Variants in ZFHX3 observed in about 807,000 individuals in gnomAD.
ZFHX3 encodes zinc finger homeobox protein 3.
In ZFHX3, 42 loss-of-function variants were observed where a neutral mutation model predicts 279.1. The observed-to-expected ratio is 0.15, with a 90% CI of 0.12 to 0.19. ZFHX3 has a LOEUF of 0.19. ZFHX3 is among the 10% of genes least tolerant of loss of function. The pLI is 1.00. For synonymous variants in ZFHX3, 2,293 were observed against 1,957.8 expected, an observed-to-expected ratio of 1.17 and a Z score of -4.52; for missense variants, 4,981 against 4,754.0, an observed-to-expected ratio of 1.05 and a Z score of -1.40.
At chr16:73,127,218 G>T in intron 7 of ZFHX3, 1 of 659,092 alleles carries the variant, frequency 1.5e-6, no homozygotes. Flanking sequence ...TCGTGCGTGA[G>T]CTGTTACACA....
chr16:72,828,256 T>G (rs1003647533), intron 5 of ZFHX3, among the ~76,000 whole-genome samples: 2 of 152,222 alleles, frequency 1.3e-5, no homozygotes, highest in African/African-American at 4.8e-5. Context: ...GTAGTAAGAA[T>G]TAGGTTGACC....
At chr16:73,063,405 T>TGA (rs1965710535), upstream of ZFHX3, among the ~76,000 whole-genome samples, 1 of 152,082 alleles carries the variant, frequency 6.6e-6, no homozygotes, top group Non-Finnish European at 1.5e-5. Flanking sequence ...ATCGCCCCGG[T>TGA]CCACTCCCTG....
chr16:73,661,165 G>A (rs899880), intron 2 of ZFHX3, among the ~76,000 whole-genome samples: 2,243 of 152,244 alleles, frequency 0.015, 51 homozygotes, highest in African/African-American at 0.046. Flanking sequence ...TAAAGGGTCC[G>A]GTTTCTTGTG....
chr16:73,443,015 C>T (rs1597337259), intron 3 of ZFHX3, among the ~76,000 whole-genome samples: 1 of 152,128 alleles, frequency 6.6e-6, no homozygotes, highest in Admixed American at 6.5e-5. Context: ...GATTAGGGCC[C>T]ACCCTAACAA....
chr16:73,046,724 T>C (rs1462489348), intron 1 of ZFHX3, among the ~76,000 whole-genome samples: 5 of 152,170 alleles, frequency 3.3e-5, no homozygotes, highest in Non-Finnish European at 7.4e-5. Context: ...AATAAGATGA[T>C]GTGTAACTTT....
Position 73,887,322 on chromosome 16 carries a change from G to C in ZFHX3, c.-1608+4329C>G, listed in dbSNP as rs377011609. ...CTCAAAATGAACTCTAGTCTTAATA[G>C]TATGGTGACCATTCTAAAATGGCCT... On this transcript the variant is annotated intron_variant, in intron 1 of 17. Coordinates refer to the ZFHX3 transcript ENST00000641206. 3.9e-5 allele frequency among the ~76,000 whole-genome samples: 6 copies of C among 152,098 alleles called. No individual in the cohort carries two copies. The East Asian group carries it at 9.6e-4, about 24-fold the overall frequency.
intron 1 of ZFHX3, among the ~76,000 whole-genome samples, chr16:73,056,781 T>C (rs1382168627): frequency 3.3e-5 from 5 of 152,220 alleles, no homozygotes; most frequent in Admixed American, 6.5e-5. Context: ...ATTATGCAGA[T>C]TGTGATCAAT....
rs1025877358 is a variant in ZFHX3 at position 73,720,433 on chromosome 16, A to G, written c.-1607-40193T>C. Among the ~76,000 whole-genome samples, 3 of 152,228 alleles carry G rather than the reference A, an allele frequency of 2.0e-5. No homozygotes were observed. The South Asian group carries it at 6.2e-4, about 32-fold the overall frequency. ...ATAGAACCTAAATGTCCATTTCCGT[A>G]GCTAACTGTTAAATGGTGACATAAA... is the stretch of plus-strand genomic sequence containing the variant. On this transcript the variant is annotated intron_variant, in intron 1 of 17. Transcript: ENST00000641206.
chr16:72,959,757 G>A lies in ZFHX3; in HGVS notation c.389C>T (p.Ala130Val), dbSNP rs1177855697. 3 of 1,609,712 alleles carry A rather than the reference G, an allele frequency of 1.9e-6. No homozygotes were observed. The highest frequency in any genetic ancestry group is 1.7e-4 in the Middle Eastern group (1 of 6,040). The change falls in exon 2 of 10, where the codon GCC becomes GTC. Residue 130 changes from alanine (A) to valine (V), a missense_variant. Physicochemically the swap from Ala to Val is moderately conservative, Grantham distance 64. This residue lies in a region of ZFHX3 where 1,068 missense variants were observed against 935.2 expected (regional missense o/e 1.14). Transcript: ENST00000268489. Reference protein sequence around the residue: ...GDEESDVENLAGEIVYQPDGS... With the variant: ...GDEESDVENLVGEIVYQPDGS... ...GTCCGGCTGGTAGACGATCTCCCCG[G>A]CCAGGTTCTCCACGTCACTCTCCTC...
At position 73,589,728 on chromosome 16, in the gene ZFHX3, C is replaced by T. The variant is rs201533490; in HGVS notation, c.-1547+90452G>A. Among the ~76,000 whole-genome samples the T allele has an allele frequency of 7.4e-4, 34 of 46,116 alleles. 1 individual carries two copies. Among genetic ancestry groups the T allele is most frequent in the Admixed American group, 4.3e-3 (10 of 2,330 alleles). The allele number at this position is 46,116 out of a possible 152,430, so 30.3% of individuals were successfully genotyped here. A position where few individuals can be genotyped will look rare whatever the true frequency, so the allele number is the denominator to read the frequency against. ...CAGCCTGGGTGACAGAGCGAGACTCCGTCTCAAAAAAAAAAAAAAAAAAAA... is the reference window on the plus strand; with the variant it reads ...CAGCCTGGGTGACAGAGCGAGACTCTGTCTCAAAAAAAAAAAAAAAAAAAA... On this transcript the variant is annotated intron_variant, in intron 2 of 17. Transcript: ENST00000641206.
rs182927109 is a variant in ZFHX3 at position 73,577,149 on chromosome 16, C to T, written c.-1547+103031G>A. 8.7e-4 allele frequency among the ~76,000 whole-genome samples: 133 copies of T among 152,266 alleles called. 2 individuals carry two copies. Among genetic ancestry groups the T allele is most frequent in the African/African-American group, 3.0e-3 (125 of 41,552 alleles). ...TACCAGCAAAAACATGTATTATTTA[C>T]TTACACAAATGCAGACAGAGAAAGC... On this transcript the variant is annotated intron_variant, in intron 2 of 17. Coordinates refer to the ZFHX3 transcript ENST00000641206.
At chr16:73,471,474 T>C (rs72799490) in intron 2 of ZFHX3, among the ~76,000 whole-genome samples, 1 of 151,952 alleles carries the variant, frequency 6.6e-6, no homozygotes, top group Non-Finnish European at 1.5e-5. Context: ...AATGGTGCAA[T>C]CTTGGCTCAC....
chr16:73,654,857 T>C (rs2052707755), intron 2 of ZFHX3, among the ~76,000 whole-genome samples: 4 of 139,908 alleles, frequency 2.9e-5, no homozygotes, highest in Admixed American at 7.1e-5. Context: ...GTAATCACTT[T>C]TTTTTTTTTT....
chr16:73,303,594 G>T (rs930671384), intron 4 of ZFHX3, among the ~76,000 whole-genome samples: 1 of 152,140 alleles, frequency 6.6e-6, no homozygotes, highest in Non-Finnish European at 1.5e-5. Context: ...TGGATCTCTG[G>T]GTTTGAGTGA....
intron 2 of ZFHX3, among the ~76,000 whole-genome samples, chr16:73,537,396 A>G (rs930536600): frequency 8.0e-6 from 1 of 124,770 alleles, no homozygotes; most frequent in African/African-American, 3.1e-5. Flanking sequence ...GACTCATTGC[A>G]CCCTCTGCCT....
At chr16:73,013,291 A>T (rs1420085934) in intron 1 of ZFHX3, among the ~76,000 whole-genome samples, 6 of 151,898 alleles carry the variant, frequency 4.0e-5, no homozygotes, top group African/African-American at 9.7e-5. Context: ...TTATTTTTTT[A>T]TTATTATTAT....
chr16:73,655,936 C>A (rs969914117), intron 2 of ZFHX3, among the ~76,000 whole-genome samples: 2 of 152,172 alleles, frequency 1.3e-5, no homozygotes, highest in African/African-American at 2.4e-5. Flanking sequence ...TACATAGAAG[C>A]ATTTTTGCAA....
Position 72,977,543 on chromosome 16 carries a change from C to T in ZFHX3, c.-49-17349G>A, listed in dbSNP as rs906794531. On this transcript the variant is annotated intron_variant, in intron 1 of 9. Transcript: ENST00000268489. ...TAGAAGTCTATGTACAACCTGCACT[C>T]GACTTTGAGTTGTTCCCCAACTATT... Among the ~76,000 whole-genome samples, 5 of 151,876 alleles carry T rather than the reference C, an allele frequency of 3.3e-5. No individual in the cohort carries two copies. In the East Asian group the frequency reaches 5.8e-4, roughly 18 times the overall value.
chr16:73,462,033 T>C (rs1205857418), intron 2 of ZFHX3, among the ~76,000 whole-genome samples: 1 of 152,220 alleles, frequency 6.6e-6, no homozygotes, highest in Non-Finnish European at 1.5e-5. Flanking sequence ...TCTTCCTTGA[T>C]TTATTTCATC....
Sources: gnomAD v4.1 joint callset for allele counts (sites outside exome capture counted in the v4.1 genomes callset) on GRCh38, gnomAD v4.1.1 for gene constraint, gnomAD v4.1.1 regional missense constraint, MANE v1.5 for transcripts, NCBI Gene and HGNC (gene_info 2026-07-23, HGNC 2026-07-21) for gene names.